DGKD: variants seen among roughly 807,000 people sequenced by gnomAD.
DGKD encodes the protein diacylglycerol kinase delta.
DGKD carries 68 observed loss-of-function variants against 154.4 expected under a neutral mutation model. That is an observed-to-expected ratio of 0.44 (90% CI 0.36 to 0.54). The LOEUF is 0.54. Ranked by LOEUF, DGKD falls within the 20% of genes least tolerant of loss-of-function variation. The pLI is 0.00. For synonymous variants in DGKD, 693 were observed against 638.0 expected (o/e 1.09, Z -1.30); for missense variants, 1,343 against 1,593.6 (o/e 0.84, Z 2.68).
chr2:233,467,707 C>T (rs1387297504), intron 28 of DGKD, among the ~76,000 whole-genome samples: 1 of 152,200 alleles, frequency 6.6e-6, no homozygotes, highest in East Asian at 1.9e-4. Flanking sequence ...GAGCTAAACT[C>T]TCTGTCTGAA....
chr2:233,386,005 G>A (rs745637853), intron 1 of DGKD: 10 of 470,392 alleles, frequency 2.1e-5, no homozygotes, highest in East Asian at 1.4e-4. Flanking sequence ...GTGTGTGTGC[G>A]TGTGTGTAAG....
chr2:233,457,466 T>C lies in DGKD; in HGVS notation c.2580+138T>C, dbSNP rs1559174554. 4.1e-6 allele frequency: 3 copies of C among 727,012 alleles called. No homozygotes were observed. The highest frequency in any genetic ancestry group is 7.4e-6 in the Non-Finnish European group (3 of 405,222). The allele number at this position is 727,012 out of a possible 1,614,324, so 45.0% of individuals were successfully genotyped here. A position where few individuals can be genotyped will look rare whatever the true frequency, so the allele number is the denominator to read the frequency against. ...AGTGGGGTTGCCGTGGAGAACAAGA[T>C]AGACAGGGTCCCCCACCCAGCTCAT... On this transcript the variant is annotated intron_variant, in intron 21 of 29. Coordinates refer to ENST00000264057, the MANE Select transcript of DGKD (RefSeq NM_152879.3). The surrounding 1 kb of genome is among the most constrained non-coding windows in gnomAD (Gnocchi z 5.5).
chr2:233,453,488 C>A (rs767006908), intron 18 of DGKD, among the ~76,000 whole-genome samples: 2 of 152,222 alleles, frequency 1.3e-5, no homozygotes, highest in Non-Finnish European at 2.9e-5. Flanking sequence ...GCTCAGCTGT[C>A]GGGCACTTGA....
intron 3 of DGKD, chr2:233,419,182 T>C: frequency 2.0e-6 from 2 of 978,172 alleles, no homozygotes; most frequent in Non-Finnish European, 2.4e-6. Context: ...GCCCAGGAGC[T>C]ATATTTAGCA....
intron 3 of DGKD, among the ~76,000 whole-genome samples, chr2:233,405,783 G>A (rs994699261): frequency 5.3e-5 from 8 of 152,084 alleles, no homozygotes; most frequent in African/African-American, 9.7e-5. Context: ...TTACAGCAGC[G>A]CAAAACAGAC....
intron 3 of DGKD, among the ~76,000 whole-genome samples, chr2:233,424,796 G>A (rs1187701044): frequency 1.3e-5 from 2 of 152,232 alleles, no homozygotes; most frequent in Non-Finnish European, 2.9e-5. Context: ...TGGAAAACAC[G>A]CGGTGGATTG....
At chr2:233,424,145 G>A (rs1575092125) in intron 3 of DGKD, among the ~76,000 whole-genome samples, 1 of 152,184 alleles carries the variant, frequency 6.6e-6, no homozygotes, top group African/African-American at 2.4e-5. Context: ...TGTGGTCCCC[G>A]GGCCTCACAT....
intron 3 of DGKD, among the ~76,000 whole-genome samples, chr2:233,433,954 C>G (rs1484376561): frequency 6.6e-6 from 1 of 152,208 alleles, no homozygotes; most frequent in Non-Finnish European, 1.5e-5. Flanking sequence ...GATACATGCT[C>G]ATGGTATTCC....
chr2:233,471,440 C>T lies in DGKD; in HGVS notation c.*1980C>T, dbSNP rs2064011979. The T allele has an allele frequency of 6.6e-6, 1 of 152,366 alleles. No homozygotes were observed. The highest frequency in any genetic ancestry group is 1.5e-5 in the Non-Finnish European group (1 of 68,062). 9.4% of individuals were successfully genotyped at this position (152,366 alleles called of 1,614,324 possible). On this transcript the variant is annotated 3_prime_UTR_variant, in exon 30 of 30. Coordinates refer to ENST00000264057, the MANE Select transcript of DGKD (RefSeq NM_152879.3). Reference sequence around the variant, plus strand: ...CAGGAGATGATGGGAACCTGTCCCGCAGTCCCTGCATGACCATTGGCCCTG... The same window carrying T: ...CAGGAGATGATGGGAACCTGTCCCGTAGTCCCTGCATGACCATTGGCCCTG...
At position 233,438,204 on chromosome 2, in the gene DGKD, T is replaced by C; in HGVS notation, c.923-13T>C. 1 of 1,612,924 alleles carries C rather than the reference T, an allele frequency of 6.2e-7. No homozygotes were observed. Among genetic ancestry groups the C allele is most frequent in the Non-Finnish European group, 8.5e-7 (1 of 1,179,324 alleles). On this transcript the variant is annotated splice_polypyrimidine_tract_variant and intron_variant, in intron 8 of 29. Coordinates refer to ENST00000264057, the MANE Select transcript of DGKD (RefSeq NM_152879.3). This position sits in a 1 kb window ranked among gnomAD's most constrained non-coding sequence, Gnocchi z 4.1. Reference sequence around the variant, plus strand: ...TGGCCTATATATTTTCTTCTGTTCGTTCTTGCGTCCAGGGTTCTGGAAGGC... The same window carrying C: ...TGGCCTATATATTTTCTTCTGTTCGCTCTTGCGTCCAGGGTTCTGGAAGGC...
Position 233,469,666 on chromosome 2 carries a change from C to T in DGKD, c.*206C>T. ...CAGAGCTCTGGGGTCTCGAACATAA[C>T]AACACAGCTACCTTTGAAACAACAC... On this transcript the variant is annotated 3_prime_UTR_variant, in exon 30 of 30. Transcript: ENST00000264057. 1 of 577,768 alleles carries T rather than the reference C, an allele frequency of 1.7e-6. No individual in the cohort carries two copies. The highest frequency in any genetic ancestry group is 2.9e-5 in the East Asian group (1 of 35,076). 35.8% of individuals were successfully genotyped at this position (577,768 alleles called of 1,614,324 possible). A position where few individuals can be genotyped will look rare whatever the true frequency, so the allele number is the denominator to read the frequency against.
chr2:233,464,389 C>G (rs1015103974), intron 27 of DGKD, 106 bp downstream of exon 27: 1 of 1,452,876 alleles, frequency 6.9e-7, no homozygotes, highest in Non-Finnish European at 9.4e-7. Flanking sequence ...AAGATCGTGT[C>G]GCTCCGGCAG....
chr2:233,446,879 T>G, intron 12 of DGKD, 83 bp downstream of exon 12: 2 of 1,487,678 alleles, frequency 1.3e-6, no homozygotes, highest in African/African-American at 2.8e-5. Flanking sequence ...TCACCTCCCT[T>G]GCAGAGACGC....
chr2:233,463,250 G>GCACGCCACTCACCTCCT (rs1559183082), intron 26 of DGKD, among the ~76,000 whole-genome samples: 6 of 151,844 alleles, frequency 4.0e-5, no homozygotes. Context: ...CCTCCACTCC[G>GCACGCCACTCACCTCCT]CACGCCACTC....
intron 8 of DGKD, among the ~76,000 whole-genome samples, 171 bp downstream of exon 8, chr2:233,437,650 G>C (rs1348931413): frequency 1.3e-5 from 2 of 152,346 alleles, no homozygotes; most frequent in South Asian, 2.1e-4. Flanking sequence ...ACGGCGCCCT[G>C]ATGCTGCGGC....
In DGKD at chr2:233,456,946, A is replaced by T. The variant is rs1398555560; in HGVS notation, c.2423A>T (p.Glu808Val). 1 of 1,614,102 alleles carries T rather than the reference A, an allele frequency of 6.2e-7. No homozygotes were observed. The highest frequency in any genetic ancestry group is 8.5e-7 in the Non-Finnish European group (1 of 1,180,040). Reference sequence around the variant, plus strand: ...TGGTATGGAGTTCTTGGAACCAAAGAGTTGCTGCACAGAACCTACAAGAAC... The same window carrying T: ...TGGTATGGAGTTCTTGGAACCAAAGTGTTGCTGCACAGAACCTACAAGAAC... ...MMWYGVLGTK[E>V]LLHRTYKNLE... is the part of the protein sequence containing the mutation. The change falls in exon 20 of 30, where the codon GAG (glutamate) becomes GTG (valine). Residue 808 changes from glutamate (E) to valine (V), a missense_variant. By Grantham distance (121) the Glu-to-Val change is moderately radical (BLOSUM62 -2). Around this residue, in one of 6 missense-constraint regions of DGKD, gnomAD observed 60 missense variants for 112.4 expected, o/e 0.53. Transcript: ENST00000264057.
intron 1 of DGKD, among the ~76,000 whole-genome samples, chr2:233,377,028 C>G (rs1032366919): frequency 2.0e-5 from 3 of 148,542 alleles, no homozygotes; most frequent in Non-Finnish European, 4.5e-5. Flanking sequence ...TCTTCACACA[C>G]AAACAATGTC....
chr2:233,463,347 T>TCTCACTCCACACATCAC (rs1559183361), intron 26 of DGKD, among the ~76,000 whole-genome samples: 2 of 143,454 alleles, frequency 1.4e-5, no homozygotes, highest in African/African-American at 5.3e-5. Flanking sequence ...ACTGCACGCA[T>TCTCACTCCACACATCAC]CTCACTCCAC....
intron 27 of DGKD, among the ~76,000 whole-genome samples, chr2:233,464,831 T>C (rs2063777435): frequency 1.3e-5 from 2 of 152,202 alleles, no homozygotes; most frequent in African/African-American, 4.8e-5. Context: ...GAGGGCCGTG[T>C]CTGGACAAGG....
Sources: allele counts gnomAD v4.1 joint callset (sites outside exome capture counted in the v4.1 genomes callset), GRCh38; gene constraint gnomAD v4.1.1; regional missense constraint gnomAD v4.1.1; non-coding constraint Gnocchi (gnomAD v3.1); transcripts MANE v1.5; gene names NCBI Gene and HGNC (gene_info 2026-07-23, HGNC 2026-07-21).